Variants in CFAP92 observed in about 807,000 individuals in gnomAD.
CFAP92 encodes the protein cilia and flagella associated protein 92 (putative).
CFAP92 carries 86 observed loss-of-function variants against 106.3 expected under a neutral mutation model. The ratio of observed to expected loss-of-function variants is 0.81; its 90% CI spans 0.68 to 0.97. The LOEUF (loss-of-function observed/expected upper bound fraction) is 0.97, where lower values mean the gene tolerates loss of function less well. Among genes scored for constraint, CFAP92 ranks in the 50% least tolerant of loss-of-function variants. The pLI is 0.00. For missense variants in CFAP92, 1,204 were observed against 1,283.8 expected, an observed-to-expected ratio of 0.94 and a Z score of 0.95; for synonymous variants, 477 against 506.4, an observed-to-expected ratio of 0.94 and a Z score of 0.78.
chr3:129,007,931 T>C, the CFAP92 span, among the ~76,000 whole-genome samples: 487 of 152,360 alleles, frequency 3.2e-3, 12 homozygotes, highest in Admixed American at 0.023. Context: ...CTGTAATATC[T>C]GAGCTTCCTG....
upstream of CFAP92, among the ~76,000 whole-genome samples, chr3:128,996,914 G>A (rs979549687): frequency 6.6e-6 from 1 of 152,170 alleles, no homozygotes; most frequent in African/African-American, 2.4e-5. Context: ...CTCATAGCCC[G>A]GCCTGGCTTC....
At chr3:128,977,723 G>A (rs9829008) in intron 5 of CFAP92, among the ~76,000 whole-genome samples, 44,036 of 151,908 alleles carry the variant, frequency 0.29, 6,921 homozygotes, top group African/African-American at 0.4. Context: ...GCTGGGTGTG[G>A]TAGTGGGCGC....
intron 12 of CFAP92, among the ~76,000 whole-genome samples, chr3:128,932,450 T>C (rs1376346428): frequency 6.6e-6 from 1 of 151,594 alleles, no homozygotes; most frequent in Non-Finnish European, 1.5e-5. Flanking sequence ...AAAGGTAATA[T>C]AGCTAATAGC....
At chr3:128,986,344 A>G (rs1943857297) in intron 4 of CFAP92, among the ~76,000 whole-genome samples, 1 of 151,728 alleles carries the variant, frequency 6.6e-6, no homozygotes, top group South Asian at 2.1e-4. Flanking sequence ...GGATTAAGCA[A>G]TCCTCCCACT....
chr3:128,930,067 ATATT>A (rs527928259), intron 12 of CFAP92, among the ~76,000 whole-genome samples: 6 of 152,220 alleles, frequency 3.9e-5, no homozygotes, highest in Non-Finnish European at 8.8e-5. Context: ...AGCTGGAACA[ATATT>A]TACAAGAGAT....
At chr3:128,931,523 A>G (rs199882316) in intron 12 of CFAP92, among the ~76,000 whole-genome samples, 1 of 102,358 alleles carries the variant, frequency 9.8e-6, no homozygotes, top group East Asian at 2.7e-4. Context: ...ATATGTATGT[A>G]TGTGTATATA....
chr3:129,004,091 C>T, upstream of CFAP92: 1 of 1,480,418 alleles, frequency 6.8e-7, no homozygotes, highest in Non-Finnish European at 8.9e-7. Context: ...AGCGGGGGCG[C>T]GTGCCCTGGG....
rs1940099511 is a variant in CFAP92, at chr3:128,945,345, T to C, written c.1984A>G (p.Ile662Val). 5.2e-6 allele frequency: 8 copies of C among 1,536,038 alleles called. No individual in the cohort carries two copies. The highest frequency in any genetic ancestry group is 1.7e-4 in the Middle Eastern group (1 of 6,012). The change falls in exon 10 of 16, where the codon ATC becomes GTC. Residue 662 changes from isoleucine (I) to valine (V), a missense_variant. Transcript: ENST00000645291. ...DLGGSQFGRI[I>V]FVFDFKKVSL... is the part of the protein sequence containing the mutation. ...ACCTTCTTAAAGTCAAAGACGAAGA[T>C]GATGCGGCCAAACTGGGAGCCCCCA...
rs556080794 is a variant in CFAP92, at chr3:128,971,083, G to A, written c.1168+204C>T. On this transcript the variant is annotated intron_variant, in intron 8 of 15. Coordinates refer to ENST00000645291, the MANE Select transcript of CFAP92 (RefSeq NM_001394090.1). ...AGTCCAGGCTTCACATTTCCTAGCTGTGTGATCTCAGGCAAGGTAGCTACC... is the reference window on the plus strand; with the variant it reads ...AGTCCAGGCTTCACATTTCCTAGCTATGTGATCTCAGGCAAGGTAGCTACC... 5 of 673,238 alleles carry A rather than the reference G, an allele frequency of 7.4e-6. No individual in the cohort carries two copies. The Admixed American group carries it at 9.1e-5, about 12-fold the overall frequency. The allele number at this position is 673,238 out of a possible 1,614,324, so 41.7% of individuals were successfully genotyped here.
At chr3:128,956,184 T>TAAAAAAAAAAAAAAAAAAA (rs369899266) in intron 9 of CFAP92, among the ~76,000 whole-genome samples, 10 of 49,244 alleles carry the variant, frequency 2.0e-4, no homozygotes, top group African/African-American at 3.9e-4. Flanking sequence ...AAAAATAAAT[T>TAAAAAAAAAAAAAAAAAAA]AAAAAAAAAA....
Position 128,928,401 on chromosome 3 carries a change from CA to C in CFAP92, c.2751+4298del, listed in dbSNP as rs1283151217. ...AAAGAACAAAGTTAAAGGACTTACA[CA>C]ATCCAACTAACTAACTATAATTAAA... On this transcript the variant is annotated intron_variant, in intron 12 of 15. Coordinates refer to ENST00000645291, the MANE Select transcript of CFAP92 (RefSeq NM_001394090.1). Among the ~76,000 whole-genome samples the C allele has an allele frequency of 2.0e-5, 3 of 152,174 alleles. No homozygotes were observed. The East Asian group carries it at 5.8e-4, about 29-fold the overall frequency.
chr3:128,923,844 A>G (rs904522016), intron 12 of CFAP92, among the ~76,000 whole-genome samples: 3 of 152,252 alleles, frequency 2.0e-5, no homozygotes, highest in Admixed American at 6.5e-5. Context: ...TTGTAAAACT[A>G]AAAGAGAAGG....
chr3:128,925,749 A>G (rs1477818093), intron 12 of CFAP92, among the ~76,000 whole-genome samples: 2 of 152,208 alleles, frequency 1.3e-5, no homozygotes, highest in African/African-American at 4.8e-5. Context: ...CACACCTACA[A>G]ACATCATCAT....
intron 9 of CFAP92, among the ~76,000 whole-genome samples, chr3:128,950,587 C>T (rs989646057): frequency 2.2e-4 from 34 of 152,174 alleles, no homozygotes; most frequent in African/African-American, 8.0e-4. Context: ...ATGGGTGCAG[C>T]GCACTTGTGT....
At position 128,935,328 on chromosome 3, in the gene CFAP92, G is replaced by C; in HGVS notation, c.2259-9C>G. The C allele has an allele frequency of 6.7e-7, 1 of 1,490,406 alleles. No homozygotes were observed. Among genetic ancestry groups the C allele is most frequent in the Non-Finnish European group, 9.0e-7 (1 of 1,116,612 alleles). The allele number at this position is 1,490,406 out of a possible 1,614,324, so 92.3% of individuals were successfully genotyped here. On this transcript the variant is annotated splice_polypyrimidine_tract_variant and intron_variant, in intron 10 of 15. Coordinates refer to ENST00000645291, the MANE Select transcript of CFAP92 (RefSeq NM_001394090.1). ...GTTCTGACCTGGGAATCCTGCAAGAGACAGAAGGCCAAGAGCTAACTTGCA... is the reference window on the plus strand; with the variant it reads ...GTTCTGACCTGGGAATCCTGCAAGACACAGAAGGCCAAGAGCTAACTTGCA...
At chr3:128,981,877 C>T (rs780875824) in intron 4 of CFAP92, among the ~76,000 whole-genome samples, 6 of 152,264 alleles carry the variant, frequency 3.9e-5, no homozygotes, top group African/African-American at 7.2e-5. Flanking sequence ...TTTTTCTAAG[C>T]GGTAGGTGTC....
the CFAP92 span, among the ~76,000 whole-genome samples, chr3:129,014,484 G>A: frequency 1.3e-5 from 2 of 152,190 alleles, no homozygotes; most frequent in Non-Finnish European, 2.9e-5. The surrounding 1 kb of genome is among the most constrained non-coding windows in gnomAD (Gnocchi z 4.3). Context: ...GTGTATTTCT[G>A]TCCTAATCCC....
In CFAP92 at chr3:128,932,681, G is replaced by C. The variant is rs73865503; in HGVS notation, c.2751+19C>G. The C allele has an allele frequency of 2.6e-3, 3,986 of 1,520,768 alleles. 93 individuals are homozygous for C. In the African/African-American group the frequency reaches 0.048, roughly 18 times the overall value. The allele number at this position is 1,520,768 out of a possible 1,614,324, so 94.2% of individuals were successfully genotyped here. A position where few individuals can be genotyped will look rare whatever the true frequency, so the allele number is the denominator to read the frequency against. On this transcript the variant is annotated intron_variant, in intron 12 of 15. Transcript: ENST00000645291. ...AGGTGAGGCCTGGGAACCCCAAGTT[G>C]GGGAGGAAGGCGGCCCACCTGGATG...
At chr3:128,966,248 G>A (rs1379827678) in intron 8 of CFAP92, among the ~76,000 whole-genome samples, 1 of 152,224 alleles carries the variant, frequency 6.6e-6, no homozygotes, top group East Asian at 1.9e-4. Flanking sequence ...ATGTGGCTAT[G>A]GGCTCCTGTA....
Sources: gnomAD v4.1 joint callset for allele counts (sites outside exome capture counted in the v4.1 genomes callset) on GRCh38, gnomAD v4.1.1 for gene constraint, Gnocchi (gnomAD v3.1) non-coding constraint, MANE v1.5 for transcripts, NCBI Gene and HGNC (gene_info 2026-07-23, HGNC 2026-07-21) for gene names.